Variants in SPAG17 observed in about 807,000 individuals in gnomAD.
The protein encoded by SPAG17 is sperm associated antigen 17.
In SPAG17, 169 loss-of-function variants were observed where a neutral mutation model predicts 273.6. The observed-to-expected ratio is 0.62, with a 90% CI of 0.55 to 0.70. SPAG17 has a LOEUF of 0.70. SPAG17 is among the 30% of genes least tolerant of loss of function. The pLI is 0.00. For missense variants in SPAG17, 2,557 were observed against 2,627.8 expected, an observed-to-expected ratio of 0.97 and a Z score of 0.59; for synonymous variants, 825 against 873.2, an observed-to-expected ratio of 0.94 and a Z score of 0.97.
chr1:117,969,863 A>G (rs543382600), intron 46 of SPAG17, among the ~76,000 whole-genome samples, 193 bp downstream of exon 46: 2 of 152,324 alleles, frequency 1.3e-5, no homozygotes, highest in East Asian at 3.9e-4. Flanking sequence ...TGGTTACTAC[A>G]TGGAATGAAT....
chr1:117,971,649 A>G, intron 45 of SPAG17: 1 of 391,614 alleles, frequency 2.6e-6, no homozygotes, highest in Non-Finnish European at 4.5e-6. Context: ...AGGGCAAGGA[A>G]GTATCTACCA....
chr1:118,182,612 G>T (rs1661001379), intron 1 of SPAG17, among the ~76,000 whole-genome samples: 1 of 152,150 alleles, frequency 6.6e-6, no homozygotes, highest in Admixed American at 6.5e-5. Flanking sequence ...GATAGTAAAT[G>T]ACCATTTCCT....
chr1:118,041,383 G>C (rs1170808800), intron 21 of SPAG17, among the ~76,000 whole-genome samples: 2 of 151,640 alleles, frequency 1.3e-5, no homozygotes, highest in East Asian at 1.9e-4. Context: ...AGCTGAGAGA[G>C]AACTGGCAAA....
intron 18 of SPAG17, among the ~76,000 whole-genome samples, chr1:118,057,772 CAA>C (rs1651857264): frequency 6.6e-6 from 1 of 151,828 alleles, no homozygotes; most frequent in Non-Finnish European, 1.5e-5. Context: ...CAATGAGAAA[CAA>C]TAGTTCTAGA....
chr1:118,162,418 A>G (rs1659973130), intron 1 of SPAG17, among the ~76,000 whole-genome samples: 1 of 152,198 alleles, frequency 6.6e-6, no homozygotes, highest in South Asian at 2.1e-4. Flanking sequence ...TCCTTCATTC[A>G]TTCAGCTAAT....
chr1:118,182,935 C>G (rs945263440), intron 1 of SPAG17, among the ~76,000 whole-genome samples: 2 of 152,134 alleles, frequency 1.3e-5, no homozygotes, highest in African/African-American at 2.4e-5. Flanking sequence ...TTAAAACCAA[C>G]TAAAATGTAT....
At chr1:118,092,083 C>T (rs1461159303) in intron 8 of SPAG17, 81 bp from the exon 9 acceptor site, 9 of 1,129,404 alleles carry the variant, frequency 8.0e-6, no homozygotes, top group Non-Finnish European at 9.4e-6. Context: ...ATGATGAGAT[C>T]CAACAGGATA....
chr1:118,001,402 G>C (rs1658272383), intron 32 of SPAG17, among the ~76,000 whole-genome samples: 1 of 152,060 alleles, frequency 6.6e-6, no homozygotes. Context: ...ATGGTACCAG[G>C]TCCTTTTTGT....
intron 35 of SPAG17, among the ~76,000 whole-genome samples, chr1:117,994,100 C>T (rs1035384153): frequency 6.6e-6 from 1 of 152,030 alleles, no homozygotes; most frequent in African/African-American, 2.4e-5. Flanking sequence ...ATCAGTAATT[C>T]CATGACAGAG....
intron 30 of SPAG17, 132 bp from the exon 31 acceptor site, chr1:118,008,330 G>T (rs1659126047): frequency 1.0e-6 from 1 of 986,840 alleles, no homozygotes; most frequent in Non-Finnish European, 1.5e-6. Flanking sequence ...GTAAAGTCTA[G>T]AGCAAGTACT....
intron 20 of SPAG17, among the ~76,000 whole-genome samples, chr1:118,042,958 A>C (rs545935707): frequency 6.6e-6 from 1 of 152,274 alleles, no homozygotes; most frequent in South Asian, 2.1e-4. Flanking sequence ...TCCACCGTTA[A>C]CATTATGATT....
At chr1:117,966,880 T>A in intron 46 of SPAG17, 127 bp from the exon 47 acceptor site, 1 of 690,796 alleles carries the variant, frequency 1.4e-6, no homozygotes, top group Non-Finnish European at 2.2e-6. Context: ...AATTTGGCAC[T>A]AACAAATGGT....
intron 46 of SPAG17, among the ~76,000 whole-genome samples, chr1:117,969,579 AAAAT>A (rs893749892): frequency 3.9e-5 from 6 of 152,038 alleles, no homozygotes; most frequent in South Asian, 4.1e-4. Flanking sequence ...GCTCTGTCTC[AAAAT>A]AAATAAATAA....
chr1:118,135,907 G>T (rs1658329602), intron 3 of SPAG17, among the ~76,000 whole-genome samples: 1 of 152,206 alleles, frequency 6.6e-6, no homozygotes, highest in Non-Finnish European at 1.5e-5. Flanking sequence ...GTGTCCTGAA[G>T]AGCTTGAAGG....
chr1:118,117,897 G>A (rs1657186180), intron 3 of SPAG17, among the ~76,000 whole-genome samples: 3 of 152,154 alleles, frequency 2.0e-5, no homozygotes, highest in Admixed American at 2.0e-4. Context: ...GTGAATTATT[G>A]GAATAATTAA....
At chr1:118,113,519 A>G (rs1222062471) in intron 4 of SPAG17, among the ~76,000 whole-genome samples, 8 of 152,082 alleles carry the variant, frequency 5.3e-5, no homozygotes, top group Non-Finnish European at 1.0e-4. Flanking sequence ...TTCCATTCCA[A>G]TGAGTTTTCA....
rs139991239 is a variant in SPAG17 at position 118,143,543 on chromosome 1, A to G, written c.315+7000T>C. 1.9e-3 allele frequency among the ~76,000 whole-genome samples: 282 copies of G among 152,268 alleles called. 1 individual carries two copies. The highest frequency in any genetic ancestry group is 0.01 in the Middle Eastern group (3 of 294). ...GCACGCTCCTGTTCCCCACAAAAAGAAAAAAGCCAGCCAAAAAAAAAGAGA... is the reference window on the plus strand; with the variant it reads ...GCACGCTCCTGTTCCCCACAAAAAGGAAAAAGCCAGCCAAAAAAAAAGAGA... On this transcript the variant is annotated intron_variant, in intron 3 of 48. Coordinates refer to ENST00000336338, the MANE Select transcript of SPAG17 (RefSeq NM_206996.4).
chr1:118,101,324 T>G (rs1215908078), intron 5 of SPAG17, among the ~76,000 whole-genome samples: 1 of 151,956 alleles, frequency 6.6e-6, no homozygotes, highest in Non-Finnish European at 1.5e-5. Flanking sequence ...GAGGCTGAGG[T>G]GGAAGGATGG....
At chr1:117,972,583 GTT>G (rs1654686372) in intron 44 of SPAG17, among the ~76,000 whole-genome samples, 1 of 152,150 alleles carries the variant, frequency 6.6e-6, no homozygotes, top group Non-Finnish European at 1.5e-5. Flanking sequence ...TCATCTCAGA[GTT>G]TGTTAGAACT....
Sources: allele counts gnomAD v4.1 joint callset (sites outside exome capture counted in the v4.1 genomes callset), GRCh38; gene constraint gnomAD v4.1.1; transcripts MANE v1.5; gene names NCBI Gene and HGNC (gene_info 2026-07-23, HGNC 2026-07-21).